Variants in SLC35D2 observed in about 807,000 individuals in gnomAD.
SLC35D2 encodes solute carrier family 35 member D2.
SLC35D2 carries 43 observed loss-of-function variants against 41.8 expected under a neutral mutation model. The ratio of observed to expected loss-of-function variants is 1.03; its 90% CI spans 0.81 to 1.33. The LOEUF is 1.33. Among genes scored for constraint, SLC35D2 ranks in the 40% most tolerant of loss-of-function variants. SLC35D2 has a pLI of 0.00. For missense variants in SLC35D2, 380 were observed against 408.4 expected (o/e 0.93, Z 0.60); for synonymous variants, 150 against 163.9 (o/e 0.92, Z 0.65).
chr9:96,338,005 A>G (rs7848835), intron 8 of SLC35D2, among the ~76,000 whole-genome samples: 33,233 of 103,814 alleles, frequency 0.32, 5,845 homozygotes, highest in African/African-American at 0.41. Context: ...AAAAAAAAAA[A>G]CTCAATTTCT....
chr9:96,353,156 C>G (rs1440610905), intron 4 of SLC35D2, among the ~76,000 whole-genome samples: 3 of 151,648 alleles, frequency 2.0e-5, no homozygotes, highest in Non-Finnish European at 4.4e-5. Context: ...TCAGAAACAA[C>G]CTAAATGTCA....
intron 4 of SLC35D2, among the ~76,000 whole-genome samples, chr9:96,352,315 T>C (rs1263040820): frequency 6.6e-6 from 1 of 152,124 alleles, no homozygotes; most frequent in Non-Finnish European, 1.5e-5. Flanking sequence ...TTACTTATTT[T>C]TTATTTATTT....
chr9:96,318,220 G>A (rs1422496361), downstream of SLC35D2, among the ~76,000 whole-genome samples: 2 of 152,108 alleles, frequency 1.3e-5, no homozygotes, highest in Non-Finnish European at 1.5e-5. Flanking sequence ...TACACTTTAG[G>A]AGGCCAGGGT....
chr9:96,319,516 T>G (rs80278956), downstream of SLC35D2, among the ~76,000 whole-genome samples: 3 of 147,620 alleles, frequency 2.0e-5, no homozygotes, highest in Non-Finnish European at 3.0e-5. Flanking sequence ...AAAAAAAAAG[T>G]TTTTTTTGAG....
At chr9:96,350,328 G>A (rs1386289158) in intron 6 of SLC35D2, among the ~76,000 whole-genome samples, 1 of 141,106 alleles carries the variant, frequency 7.1e-6, no homozygotes, top group Non-Finnish European at 1.5e-5. Context: ...ACACCACGAC[G>A]CCAGGCTAAT....
At chr9:96,359,196 G>A (rs918850734) in intron 4 of SLC35D2, among the ~76,000 whole-genome samples, 1 of 151,172 alleles carries the variant, frequency 6.6e-6, no homozygotes, top group Non-Finnish European at 1.5e-5. Flanking sequence ...CCCAGCTACT[G>A]GGGAGGCTGA....
intron 9 of SLC35D2, among the ~76,000 whole-genome samples, chr9:96,331,719 C>T (rs1486495668): frequency 2.0e-5 from 3 of 152,164 alleles, no homozygotes; most frequent in Non-Finnish European, 2.9e-5. Flanking sequence ...AGCCCCAGGC[C>T]GCAGACCGGT....
At chr9:96,318,688 C>T (rs895632996), downstream of SLC35D2, among the ~76,000 whole-genome samples, 2 of 152,074 alleles carry the variant, frequency 1.3e-5, no homozygotes, top group South Asian at 2.1e-4. Flanking sequence ...CACAGCCAGG[C>T]AGGTGAGCCT....
chr9:96,327,920 C>T (rs909461679), intron 9 of SLC35D2, among the ~76,000 whole-genome samples: 1 of 152,136 alleles, frequency 6.6e-6, no homozygotes, highest in Admixed American at 6.6e-5. Context: ...CCACTCCCAG[C>T]TTGCACTTCT....
chr9:96,322,770 G>A (rs1281599158), intron 10 of SLC35D2, among the ~76,000 whole-genome samples: 1 of 147,890 alleles, frequency 6.8e-6, no homozygotes, highest in Non-Finnish European at 1.5e-5. Flanking sequence ...CCAGGCTGGA[G>A]TGCAGTGGCA....
intron 6 of SLC35D2, 110 bp downstream of exon 6, chr9:96,350,993 C>T: frequency 1.2e-6 from 1 of 817,498 alleles, no homozygotes; most frequent in Admixed American, 2.0e-5. Flanking sequence ...TTGTCTCTTG[C>T]CTGCTCAATT....
intron 4 of SLC35D2, among the ~76,000 whole-genome samples, chr9:96,352,432 C>T (rs1829849384): frequency 6.6e-6 from 1 of 152,048 alleles, no homozygotes; most frequent in Non-Finnish European, 1.5e-5. Flanking sequence ...AGCGATTCTC[C>T]TGCCTCAGCC....
chr9:96,349,596 G>A (rs1003128093), intron 6 of SLC35D2, among the ~76,000 whole-genome samples: 1 of 151,940 alleles, frequency 6.6e-6, no homozygotes, highest in South Asian at 2.1e-4. Context: ...CACAATCTCA[G>A]CTCACTACAA....
rs547099819 is a variant in SLC35D2 at position 96,361,000 on chromosome 9, C to G, written c.280-779G>C. The stretch of plus-strand genomic sequence containing the variant: ...TCAGGTGATCTGCCTGCCTCAGCCT[C>G]CCAAAGTACTGGGATTACAGGTGTG... On this transcript the variant is annotated intron_variant, in intron 3 of 11. Transcript: ENST00000253270. Among the ~76,000 whole-genome samples the G allele has an allele frequency of 2.0e-5, 3 of 152,250 alleles. No individual in the cohort carries two copies. In the East Asian group the frequency reaches 5.8e-4, roughly 30 times the overall value.
At chr9:96,361,496 T>C (rs1830276153) in intron 3 of SLC35D2, among the ~76,000 whole-genome samples, 1 of 152,026 alleles carries the variant, frequency 6.6e-6, no homozygotes, top group Non-Finnish European at 1.5e-5. Context: ...AGACCAGCCC[T>C]GGCAACATAG....
chr9:96,322,510 C>A (rs1403934387), intron 10 of SLC35D2, among the ~76,000 whole-genome samples: 1 of 152,050 alleles, frequency 6.6e-6, no homozygotes, highest in Non-Finnish European at 1.5e-5. Context: ...CAGAGCAAGA[C>A]CCTGCCTCAG....
intron 2 of SLC35D2, among the ~76,000 whole-genome samples, chr9:96,367,426 C>T (rs915036118): frequency 6.6e-6 from 1 of 151,970 alleles, no homozygotes; most frequent in African/African-American, 2.4e-5. Flanking sequence ...TATACAACCA[C>T]AAGAATAAAC....
At chr9:96,325,361 T>C (rs1828473421) in intron 9 of SLC35D2, among the ~76,000 whole-genome samples, 1 of 151,912 alleles carries the variant, frequency 6.6e-6, no homozygotes, top group African/African-American at 2.4e-5. Context: ...ACAAGGAGAG[T>C]ACAAGATGTG....
intron 5 of SLC35D2, among the ~76,000 whole-genome samples, 174 bp from the exon 6 acceptor site, chr9:96,351,345 T>A (rs183931904): frequency 3.2e-4 from 49 of 152,236 alleles, no homozygotes; most frequent in African/African-American, 1.2e-3. Flanking sequence ...AGACTAAATT[T>A]ACATTATTTC....
Sources: allele counts gnomAD v4.1 joint callset (sites outside exome capture counted in the v4.1 genomes callset), GRCh38; gene constraint gnomAD v4.1.1; transcripts MANE v1.5; gene names NCBI Gene and HGNC (gene_info 2026-07-23, HGNC 2026-07-21).